The following APLP2 variants were observed in gnomAD, a reference collection of about 807,000 sequenced individuals.
APLP2 encodes CDEI box-binding protein.
APLP2 carries 53 observed loss-of-function variants against 89.9 expected under a neutral mutation model. That is an observed-to-expected ratio of 0.59 (90% CI 0.47 to 0.74). The LOEUF is 0.74. Among genes scored for constraint, APLP2 ranks in the 30% least tolerant of loss-of-function variants. APLP2 has a pLI of 0.00. For synonymous variants in APLP2, 372 were observed against 348.6 expected, an observed-to-expected ratio of 1.07 and a Z score of -0.75; for missense variants, 973 against 975.9, an observed-to-expected ratio of 1.00 and a Z score of 0.04.
In APLP2 at chr11:130,135,566, A is replaced by G. The variant is rs1324495628; in HGVS notation, c.1688A>G (p.Glu563Gly). 6.2e-7 allele frequency: 1 copy of G among 1,613,966 alleles called. No homozygotes were observed. Among genetic ancestry groups the G allele is most frequent in the East Asian group, 2.2e-5 (1 of 44,858 alleles). Residue 563 changes from glutamate (E) to glycine (G), a missense_variant, in exon 13 of 17, where the codon GAG becomes GGG. Physicochemically the swap from Glu to Gly is moderately conservative, Grantham distance 98. Coordinates refer to ENST00000338167, the MANE Select transcript of APLP2 (RefSeq NM_001142276.2). Reference sequence around the variant, plus strand: ...TCCCCTGCCCTGTCTTCATCAGATGAGCTCCTTCAGGAGCAGCGTGCAGAT... The same window carrying G: ...TCCCCTGCCCTGTCTTCATCAGATGGGCTCCTTCAGGAGCAGCGTGCAGAT... ...VAQEIQEEID[E>G]LLQEQRADMD... is the part of the protein sequence containing the mutation.
At chr11:130,142,645 G>A (rs1478073200) in intron 16 of APLP2, among the ~76,000 whole-genome samples, 1 of 152,034 alleles carries the variant, frequency 6.6e-6, no homozygotes, top group Non-Finnish European at 1.5e-5. Context: ...AGACAGTCTC[G>A]CTGTGTCGCC....
intron 1 of APLP2, among the ~76,000 whole-genome samples, chr11:130,079,539 A>C (rs1170175423): frequency 6.6e-6 from 1 of 152,114 alleles, no homozygotes; most frequent in Non-Finnish European, 1.5e-5. Context: ...TGGCATCTTT[A>C]AGATTTTTTG....
chr11:130,075,306 A>G (rs974131313), intron 1 of APLP2, among the ~76,000 whole-genome samples: 3 of 152,188 alleles, frequency 2.0e-5, no homozygotes, highest in Non-Finnish European at 4.4e-5. Context: ...ATACCACCAC[A>G]TTCGGCCAAG....
At position 130,122,326 on chromosome 11, in the gene APLP2, T is replaced by A. The variant is rs768232410; in HGVS notation, c.735T>A (p.Asp245Glu). 1.2e-6 allele frequency: 2 copies of A among 1,614,046 alleles called. No individual in the cohort carries two copies. The highest frequency in any genetic ancestry group is 1.7e-6 in the Non-Finnish European group (2 of 1,179,958). The change falls in exon 6 of 17, where the codon GAT becomes GAA. Residue 245 changes from aspartate (D) to glutamate (E), a missense_variant. Coordinates refer to ENST00000338167, the MANE Select transcript of APLP2 (RefSeq NM_001142276.2). ...TCAGTGAATTTCCTACTGAAGCAGATCTGGAAGACTTCACAGAAGCAGCTG... is the reference window on the plus strand; with the variant it reads ...TCAGTGAATTTCCTACTGAAGCAGAACTGGAAGACTTCACAGAAGCAGCTG... ...VYKSEFPTEADLEDFTEAAVD... is the reference protein window; with the variant it reads ...VYKSEFPTEAELEDFTEAAVD...
Position 130,105,220 on chromosome 11 carries a change from G to A in APLP2, c.106-4209G>A, listed in dbSNP as rs1030909838. Among the ~76,000 whole-genome samples the A allele has an allele frequency of 5.3e-5, 8 of 152,182 alleles. No individual in the cohort carries two copies. The East Asian group carries it at 1.3e-3, about 26-fold the overall frequency. On this transcript the variant is annotated intron_variant, in intron 1 of 16. Transcript: ENST00000338167. The stretch of plus-strand genomic sequence containing the variant: ...TTGAGCCCAAGAGTTTGAGACCAGC[G>A]TGGGCAACACAATGAGACCCCATCT...
At chr11:130,127,558 G>T (rs1165821387) in intron 8 of APLP2, among the ~76,000 whole-genome samples, 1 of 152,190 alleles carries the variant, frequency 6.6e-6, no homozygotes, top group Non-Finnish European at 1.5e-5. Flanking sequence ...ATGTAACAAA[G>T]AGGTCATGGA....
intron 1 of APLP2, among the ~76,000 whole-genome samples, chr11:130,092,326 CG>C (rs1945472134): frequency 8.2e-6 from 1 of 122,092 alleles, no homozygotes; most frequent in South Asian, 2.7e-4. Flanking sequence ...GGGTGGCGGC[CG>C]GGCAGAGGCT....
chr11:130,088,680 A>G (rs372285037), intron 1 of APLP2, among the ~76,000 whole-genome samples: 7 of 152,054 alleles, frequency 4.6e-5, no homozygotes, highest in Non-Finnish European at 7.4e-5. Flanking sequence ...TTAAAATAAT[A>G]TGAAAAATAA....
chr11:130,121,587 C>T lies in APLP2; in HGVS notation c.517-27C>T, dbSNP rs756098712. On this transcript the variant is annotated intron_variant, in intron 4 of 16. Transcript: ENST00000338167. ...GACCACGTTTACTCTGGAGTATGTT[C>T]TGATGTGGCCTGTGGGTTTCTTTTA... The T allele has an allele frequency of 5.0e-6, 8 of 1,597,368 alleles. No homozygotes were observed. The African/African-American group carries it at 6.7e-5, about 13-fold the overall frequency.
intron 1 of APLP2, among the ~76,000 whole-genome samples, chr11:130,094,703 TCA>T (rs1945953735): frequency 6.6e-6 from 1 of 152,236 alleles, no homozygotes; most frequent in Admixed American, 6.5e-5. Flanking sequence ...AATTTTCCAT[TCA>T]CACACCCTTT....
At chr11:130,131,866 A>T (rs1950969284) in intron 11 of APLP2, among the ~76,000 whole-genome samples, 2 of 152,132 alleles carry the variant, frequency 1.3e-5, no homozygotes, top group African/African-American at 4.8e-5. Flanking sequence ...TTGGGGAGAA[A>T]ACCCAGCTCT....
intron 1 of APLP2, among the ~76,000 whole-genome samples, chr11:130,071,694 A>G (rs957337700): frequency 6.6e-6 from 1 of 152,210 alleles, no homozygotes; most frequent in Non-Finnish European, 1.5e-5. Context: ...AAAAAATAAT[A>G]TGAGAATTCA....
At chr11:130,133,785 G>A in intron 12 of APLP2, 57 bp downstream of exon 12, 1 of 1,344,914 alleles carries the variant, frequency 7.4e-7, no homozygotes, top group East Asian at 2.3e-5. Context: ...AGGCTCAGGA[G>A]TGAAAGCTGG....
rs554532203 is a variant in APLP2, at chr11:130,098,630, A to T, written c.106-10799A>T. Among the ~76,000 whole-genome samples the T allele has an allele frequency of 1.2e-4, 19 of 152,340 alleles. No homozygotes were observed. In the South Asian group the frequency reaches 2.3e-3, roughly 18 times the overall value. On this transcript the variant is annotated intron_variant, in intron 1 of 16. Coordinates refer to ENST00000338167, the MANE Select transcript of APLP2 (RefSeq NM_001142276.2). ...GGTAAAATCACTAATTCAAGTGTTT[A>T]TTTAGTGAAATAGTTGGTCAGAAAA...
At chr11:130,098,577 ATGTTGG>A (rs1395338195) in intron 1 of APLP2, among the ~76,000 whole-genome samples, 1 of 152,210 alleles carries the variant, frequency 6.6e-6, no homozygotes, top group African/African-American at 2.4e-5. Context: ...CAAAGCTGGC[ATGTTGG>A]ATAGTTTCTC....
rs1176176837 is a variant in APLP2 at position 130,069,962 on chromosome 11, A to T, written c.-16A>T. 7 of 1,497,356 alleles carry T rather than the reference A, an allele frequency of 4.7e-6. No individual in the cohort carries two copies. The highest frequency in any genetic ancestry group is 6.2e-6 in the Non-Finnish European group (7 of 1,126,014). The allele number at this position is 1,497,356 out of a possible 1,614,324, so 92.8% of individuals were successfully genotyped here. On this transcript the variant is annotated 5_prime_UTR_variant, in exon 1 of 17. Coordinates refer to ENST00000338167, the MANE Select transcript of APLP2 (RefSeq NM_001142276.2). ...TGTGAGCTTGAGAGCCGCGCGCTAG[A>T]GCGACCCGGCGAGGGATGGCGGCCA... is the stretch of plus-strand genomic sequence containing the variant.
At position 130,097,409 on chromosome 11, in the gene APLP2, AAGGACC is replaced by A. The variant is rs2135631259; in HGVS notation, c.106-12016_106-12011del. Among the ~76,000 whole-genome samples, 3 of 152,236 alleles carry A rather than the reference AAGGACC, an allele frequency of 2.0e-5. No individual in the cohort carries two copies. The East Asian group carries it at 5.8e-4, about 29-fold the overall frequency. On this transcript the variant is annotated intron_variant, in intron 1 of 16. Coordinates refer to ENST00000338167, the MANE Select transcript of APLP2 (RefSeq NM_001142276.2). Reference sequence around the variant, plus strand: ...CAGCATAGCAGAACCTTAGAAATTTAAGGACCAGGTATGGCGACTCATGCCTGTAAT... The same window carrying A: ...CAGCATAGCAGAACCTTAGAAATTTAAGGTATGGCGACTCATGCCTGTAAT...
At chr11:130,111,432 C>G (rs1053396761) in intron 3 of APLP2, among the ~76,000 whole-genome samples, 1 of 152,090 alleles carries the variant, frequency 6.6e-6, no homozygotes, top group Non-Finnish European at 1.5e-5. Flanking sequence ...AAAGTAGATA[C>G]AGCATTAATG....
chr11:130,099,620 TA>T (rs1441660163), intron 1 of APLP2, among the ~76,000 whole-genome samples: 13 of 152,380 alleles, frequency 8.5e-5, no homozygotes, highest in African/African-American at 2.9e-4. Flanking sequence ...ATCATTCATC[TA>T]AACGTTTGGT....
Sources: allele counts gnomAD v4.1 joint callset (sites outside exome capture counted in the v4.1 genomes callset), GRCh38; gene constraint gnomAD v4.1.1; transcripts MANE v1.5; gene names NCBI Gene and HGNC (gene_info 2026-07-23, HGNC 2026-07-21).